NRG4: variants seen among roughly 807,000 people sequenced by gnomAD.
NRG4 encodes the protein pro-neuregulin-4, membrane-bound isoform.
A neutral mutation model predicts 15.0 loss-of-function variants in NRG4; 10 were observed. The ratio of observed to expected loss-of-function variants is 0.67; its 90% CI spans 0.41 to 1.13. The LOEUF (loss-of-function observed/expected upper bound fraction) is 1.13, where lower values mean the gene tolerates loss of function less well. NRG4 is among the 50% of genes most tolerant of loss of function. The pLI is 0.00. For missense variants in NRG4, 139 were observed against 140.2 expected, an observed-to-expected ratio of 0.99 and a Z score of 0.04; for synonymous variants, 41 against 50.1, an observed-to-expected ratio of 0.82 and a Z score of 0.77.
chr15:75,995,395 A>G (rs1389465926), intron 3 of NRG4, among the ~76,000 whole-genome samples: 1 of 151,690 alleles, frequency 6.6e-6, no homozygotes, highest in African/African-American at 2.4e-5. Flanking sequence ...AAGACCACAG[A>G]CTCTTTTAAA....
intron 3 of NRG4, among the ~76,000 whole-genome samples, chr15:76,000,242 G>A (rs2034363329): frequency 1.3e-5 from 2 of 152,130 alleles, no homozygotes; most frequent in East Asian, 1.9e-4. Context: ...AAAATTGATA[G>A]ATTTGACTGC....
In NRG4 at chr15:76,053,826, C is replaced by T. The variant is rs1250167713; in HGVS notation, c.-261-843G>A. ...GATTACAGGCGTGAGCCACTGCACCCGGCCTGTACTTGCTAGGTTTTAAAA... is the reference window on the plus strand; with the variant it reads ...GATTACAGGCGTGAGCCACTGCACCTGGCCTGTACTTGCTAGGTTTTAAAA... On this transcript the variant is annotated intron_variant, in intron 2 of 8. Coordinates refer to the NRG4 transcript ENST00000563910. 4.0e-5 allele frequency among the ~76,000 whole-genome samples: 6 copies of T among 150,926 alleles called. 1 individual carries two copies. Among genetic ancestry groups the T allele is most frequent in the African/African-American group, 1.5e-4 (6 of 40,454 alleles).
chr15:75,988,242 G>C (rs2033870926), intron 3 of NRG4, among the ~76,000 whole-genome samples: 1 of 152,124 alleles, frequency 6.6e-6, no homozygotes, highest in Admixed American at 6.5e-5. Flanking sequence ...CTGGAGTGCA[G>C]TGGCGCGATC....
chr15:75,948,520 C>T (rs142048502), intron 5 of NRG4, among the ~76,000 whole-genome samples: 5,987 of 151,940 alleles, frequency 0.039, 213 homozygotes, highest in African/African-American at 0.094. Flanking sequence ...AGGCTGGTCT[C>T]GAACTCCTGA....
chr15:76,029,219 T>G (rs2035403840), intron 5 of NRG4, among the ~76,000 whole-genome samples: 1 of 152,150 alleles, frequency 6.6e-6, no homozygotes, highest in East Asian at 1.9e-4. Context: ...TGTCAACAGG[T>G]GCAGAAAAGA....
downstream of NRG4, chr15:75,935,989 G>C (rs904191841): frequency 2.6e-5 from 4 of 152,016 alleles, no homozygotes; most frequent in African/African-American, 9.7e-5. Flanking sequence ...GGGTTTCACC[G>C]TGTTAGCCAA....
intron 2 of NRG4, among the ~76,000 whole-genome samples, chr15:76,009,808 C>T (rs549358585): frequency 9.9e-5 from 15 of 151,910 alleles, no homozygotes; most frequent in Non-Finnish European, 2.1e-4. Context: ...ATGTCAGAAA[C>T]CAAAAATAAA....
intron 4 of NRG4, among the ~76,000 whole-genome samples, chr15:76,045,421 G>A (rs190585883): frequency 1.3e-5 from 2 of 151,084 alleles, no homozygotes; most frequent in African/African-American, 4.9e-5. Context: ...ATTGCACTCT[G>A]AGATATACAC....
chr15:75,996,615 C>T (rs2034225141), intron 3 of NRG4, among the ~76,000 whole-genome samples: 1 of 151,984 alleles, frequency 6.6e-6, no homozygotes, highest in Non-Finnish European at 1.5e-5. Flanking sequence ...GGAAAAAGTG[C>T]CAAATTTCTA....
At chr15:76,027,626 A>G (rs1350324520) in intron 5 of NRG4, among the ~76,000 whole-genome samples, 3 of 152,176 alleles carry the variant, frequency 2.0e-5, no homozygotes, top group African/African-American at 7.2e-5. Flanking sequence ...CACTCTCAGC[A>G]TTAAACAGGT....
chr15:76,040,657 C>G (rs936765389), intron 4 of NRG4, among the ~76,000 whole-genome samples: 1 of 152,200 alleles, frequency 6.6e-6, no homozygotes, highest in East Asian at 1.9e-4. Flanking sequence ...GTGGTTCACA[C>G]CTGTTATCCC....
At chr15:75,968,921 A>G (rs1300423828) in intron 3 of NRG4, among the ~76,000 whole-genome samples, 1 of 152,206 alleles carries the variant, frequency 6.6e-6, no homozygotes, top group African/African-American at 2.4e-5. Flanking sequence ...TAACAATTTC[A>G]ATAAATATAC....
chr15:76,051,275 G>A (rs1191276639), intron 4 of NRG4, among the ~76,000 whole-genome samples: 3 of 150,130 alleles, frequency 2.0e-5, no homozygotes, highest in Non-Finnish European at 4.4e-5. Context: ...AAAGTGCTGG[G>A]ATTACAGGCG....
intron 4 of NRG4, among the ~76,000 whole-genome samples, chr15:76,039,727 A>C (rs752032894): frequency 6.6e-6 from 1 of 152,154 alleles, no homozygotes. Flanking sequence ...CAAACCTAGA[A>C]AAAGATATTA....
At chr15:76,033,469 C>A (rs2035525058) in intron 5 of NRG4, among the ~76,000 whole-genome samples, 1 of 152,124 alleles carries the variant, frequency 6.6e-6, no homozygotes, top group Non-Finnish European at 1.5e-5. Context: ...TGGTTAAAAA[C>A]AAAAATGTAC....
chr15:75,950,495 G>A (rs1325197140), intron 5 of NRG4: 1 of 233,924 alleles, frequency 4.3e-6, no homozygotes, highest in East Asian at 1.1e-4. Context: ...GGGTCAGCAG[G>A]ATTGGAGTCT....
intron 5 of NRG4, among the ~76,000 whole-genome samples, chr15:76,032,138 C>T (rs2035488953): frequency 6.6e-6 from 1 of 152,094 alleles, no homozygotes; most frequent in Non-Finnish European, 1.5e-5. Context: ...TTTCAAACCA[C>T]TTCAATAGAG....
chr15:75,965,899 T>A (rs2032769351), intron 3 of NRG4, among the ~76,000 whole-genome samples: 1 of 152,224 alleles, frequency 6.6e-6, no homozygotes, highest in Non-Finnish European at 1.5e-5. Context: ...TGTAAGTAAC[T>A]CTCTTGCTAA....
At chr15:76,041,573 A>C (rs1032534812) in intron 4 of NRG4, among the ~76,000 whole-genome samples, 2 of 152,216 alleles carry the variant, frequency 1.3e-5, no homozygotes, top group Non-Finnish European at 2.9e-5. Flanking sequence ...AAAAACTTTT[A>C]AGAAGAGACA....
Sources: gnomAD v4.1 joint callset for allele counts (sites outside exome capture counted in the v4.1 genomes callset) on GRCh38, gnomAD v4.1.1 for gene constraint, MANE v1.5 for transcripts, NCBI Gene and HGNC (gene_info 2026-07-23, HGNC 2026-07-21) for gene names.